TULP4: variants seen among roughly 807,000 people sequenced by gnomAD.
TULP4 encodes tubby-related protein 4.
Under a neutral mutation model 129.0 loss-of-function variants are expected in TULP4, and 16 were observed. That is an observed-to-expected ratio of 0.12 (90% CI 0.08 to 0.19). The LOEUF is 0.19. Ranked by LOEUF, TULP4 falls within the 10% of genes least tolerant of loss-of-function variation. The probability of loss-of-function intolerance (pLI) is 1.00; values close to 1 mark genes in which losing one functional copy is unlikely to be tolerated. For missense variants in TULP4, 1,842 were observed against 2,059.1 expected (o/e 0.89, Z 2.04); for synonymous variants, 998 against 854.0 (o/e 1.17, Z -2.94).
intron 1 of TULP4, among the ~76,000 whole-genome samples, chr6:158,346,979 T>C (rs2114774605): frequency 6.6e-6 from 1 of 152,314 alleles, no homozygotes; most frequent in South Asian, 2.1e-4. Context: ...AATCCCAGAA[T>C]GTGGAAATGG....
intron 1 of TULP4, among the ~76,000 whole-genome samples, chr6:158,266,404 G>A (rs937195271): frequency 2.0e-5 from 3 of 152,098 alleles, no homozygotes; most frequent in Non-Finnish European, 2.9e-5. Flanking sequence ...CTACAGGCAC[G>A]TGCCACCACG....
intron 1 of TULP4, among the ~76,000 whole-genome samples, chr6:158,371,795 G>T (rs1777075423): frequency 6.6e-6 from 1 of 152,146 alleles, no homozygotes; most frequent in Non-Finnish European, 1.5e-5. Context: ...GAATAGATTT[G>T]AATCCCCTGT....
At chr6:158,342,346 T>C (rs771757388) in intron 1 of TULP4, among the ~76,000 whole-genome samples, 32 of 152,234 alleles carry the variant, frequency 2.1e-4, no homozygotes, top group African/African-American at 3.1e-4. Context: ...CTTTAAAAAG[T>C]TGAGTTTACA....
At chr6:158,420,738 C>T (rs1362688164) in intron 2 of TULP4, among the ~76,000 whole-genome samples, 1 of 152,140 alleles carries the variant, frequency 6.6e-6, no homozygotes, top group Non-Finnish European at 1.5e-5. Context: ...CCTTCCACAT[C>T]CTCCCAAAGT....
rs564705375 is a variant in TULP4 at position 158,482,805 on chromosome 6, G to T, written c.1486+1516G>T. On this transcript the variant is annotated intron_variant, in intron 8 of 13. Coordinates refer to ENST00000367097, the MANE Select transcript of TULP4 (RefSeq NM_020245.5). ...TTAGGTGAAGAGCTTATTTCCTCAT[G>T]TGTGCATAAATTCTTCACTGAAGAA... Among the ~76,000 whole-genome samples, 13 of 152,270 alleles carry T rather than the reference G, an allele frequency of 8.5e-5. No individual in the cohort carries two copies. In the South Asian group the frequency reaches 2.5e-3, roughly 29 times the overall value.
At chr6:158,415,348 T>G (rs1328769536) in intron 2 of TULP4, among the ~76,000 whole-genome samples, 11 of 143,766 alleles carry the variant, frequency 7.7e-5, no homozygotes, top group South Asian at 2.4e-4. Context: ...AGAGTGTGCT[T>G]CTTTTTTTTT....
chr6:158,268,045 T>C (rs955073515), intron 1 of TULP4, among the ~76,000 whole-genome samples: 1 of 142,276 alleles, frequency 7.0e-6, no homozygotes, highest in Non-Finnish European at 1.5e-5. Flanking sequence ...CTTTTTTTTT[T>C]TTTTTTTGAG....
At chr6:158,319,141 T>G (rs947362164) in intron 1 of TULP4, among the ~76,000 whole-genome samples, 1 of 152,170 alleles carries the variant, frequency 6.6e-6, no homozygotes, top group Non-Finnish European at 1.5e-5. Context: ...AGCCGCTGGT[T>G]GTTGTTATTC....
chr6:158,305,333 G>GTA (rs1779201314), intron 1 of TULP4, among the ~76,000 whole-genome samples: 1 of 93,528 alleles, frequency 1.1e-5, no homozygotes, highest in Admixed American at 1.5e-4. Context: ...GCGTGTGTGT[G>GTA]TGTGTGTGTG....
In TULP4 at chr6:158,500,148, AGTTGTC is replaced by A. The variant is rs1419007497; in HGVS notation, c.2014+1340_2014+1345del. 2.0e-5 allele frequency among the ~76,000 whole-genome samples: 3 copies of A among 152,320 alleles called. No homozygotes were observed. In the East Asian group the frequency reaches 5.8e-4, roughly 29 times the overall value. ...CTCTCCAAGGTTCAGCTGTTGCTGC[AGTTGTC>A]GTTATTGTCTGTGGTTCTCAATGAG... On this transcript the variant is annotated intron_variant, in intron 12 of 13. Coordinates refer to ENST00000367097, the MANE Select transcript of TULP4 (RefSeq NM_020245.5).
At chr6:158,412,477 C>A (rs1043397089) in intron 1 of TULP4, among the ~76,000 whole-genome samples, 2 of 152,190 alleles carry the variant, frequency 1.3e-5, no homozygotes, top group Admixed American at 1.3e-4. Flanking sequence ...AGTTCTTATA[C>A]TCAGAAAATT....
At chr6:158,248,101 G>T (rs1302716427) in intron 1 of TULP4, among the ~76,000 whole-genome samples, 2 of 152,166 alleles carry the variant, frequency 1.3e-5, no homozygotes, top group African/African-American at 4.8e-5. Context: ...AATAATCAGA[G>T]AATTTAACTG....
intron 1 of TULP4, among the ~76,000 whole-genome samples, chr6:158,232,563 T>A (rs1479005182): frequency 1.3e-5 from 2 of 151,062 alleles, no homozygotes; most frequent in African/African-American, 4.9e-5. Context: ...TGTCTCCGCG[T>A]GTGAGAAAAT....
At position 158,503,863 on chromosome 6, in the gene TULP4, C is replaced by T. The variant is rs764089908; in HGVS notation, c.4200C>T (p.Asn1400=). The T allele has an allele frequency of 9.3e-6, 15 of 1,613,960 alleles. No individual in the cohort carries two copies. Among genetic ancestry groups the T allele is most frequent in the African/African-American group, 8.0e-5 (6 of 74,924 alleles). ...QLKSKKLNKT[N]EFQDSSESEP... ...AGTCAAAGAAGTTGAATAAGACAAACGAGTTCCAGGACAGCTCCGAGAGCG... is the reference window on the plus strand; with the variant it reads ...AGTCAAAGAAGTTGAATAAGACAAATGAGTTCCAGGACAGCTCCGAGAGCG... The change falls in exon 13 of 14, where the codon AAC becomes AAT. Residue 1400 remains asparagine (N), a synonymous_variant. Coordinates refer to ENST00000367097, the MANE Select transcript of TULP4 (RefSeq NM_020245.5). This position sits in a 1 kb window ranked among gnomAD's most constrained non-coding sequence, Gnocchi z 4.3.
chr6:158,423,118 AAAG>A (rs1184970557), intron 2 of TULP4, among the ~76,000 whole-genome samples: 4 of 47,338 alleles, frequency 8.4e-5, no homozygotes, highest in African/African-American at 3.5e-4. Context: ...CCTCCACAAA[AAAG>A]AGGGGGGGGG....
At chr6:158,363,528 G>A (rs1780849052) in intron 1 of TULP4, among the ~76,000 whole-genome samples, 1 of 152,154 alleles carries the variant, frequency 6.6e-6, no homozygotes, top group Non-Finnish European at 1.5e-5. Flanking sequence ...GTGTCGCCCA[G>A]GCTGGAGTGC....
At chr6:158,440,382 T>C (rs1778864035) in intron 3 of TULP4, among the ~76,000 whole-genome samples, 1 of 150,956 alleles carries the variant, frequency 6.6e-6, no homozygotes, top group South Asian at 2.1e-4. Context: ...GGTCAGCTTC[T>C]ACACTGGAAA....
chr6:158,249,654 G>T (rs1269380900), intron 1 of TULP4, among the ~76,000 whole-genome samples: 2 of 152,226 alleles, frequency 1.3e-5, no homozygotes, highest in African/African-American at 4.8e-5. Flanking sequence ...TGACAGCCGG[G>T]TCTGTGTTAT....
chr6:158,377,306 A>G (rs1400982862), intron 1 of TULP4, among the ~76,000 whole-genome samples: 1 of 152,208 alleles, frequency 6.6e-6, no homozygotes, highest in Non-Finnish European at 1.5e-5. Context: ...CCACATAGGT[A>G]TGATTTTATA....
Sources: allele counts gnomAD v4.1 joint callset (sites outside exome capture counted in the v4.1 genomes callset), GRCh38; gene constraint gnomAD v4.1.1; non-coding constraint Gnocchi (gnomAD v3.1); transcripts MANE v1.5; gene names NCBI Gene and HGNC (gene_info 2026-07-23, HGNC 2026-07-21).